ANK2: variants seen among roughly 807,000 people sequenced by gnomAD.
ANK2 encodes ankyrin-2.
A neutral mutation model predicts 360.5 loss-of-function variants in ANK2; 83 were observed. The observed-to-expected ratio is 0.23, with a 90% CI of 0.19 to 0.28. The LOEUF is 0.28. Among genes scored for constraint, ANK2 ranks in the 10% least tolerant of loss-of-function variants. The pLI, the probability that ANK2 is intolerant of heterozygous loss-of-function variation, is 1.00. For synonymous variants in ANK2, 1,740 were observed against 1,759.5 expected (o/e 0.99, Z 0.28); for missense variants, 4,201 against 4,795.7 (o/e 0.88, Z 3.66).
intron 4 of ANK2, among the ~76,000 whole-genome samples, chr4:113,231,379 G>A (rs1333086901): frequency 6.6e-6 from 1 of 152,076 alleles, no homozygotes; most frequent in East Asian, 1.9e-4. Context: ...AATCAAATTT[G>A]TAGTCTCTCC....
the ANK2 span, among the ~76,000 whole-genome samples, chr4:112,778,013 A>C: frequency 6.6e-6 from 1 of 151,018 alleles, no homozygotes; most frequent in Non-Finnish European, 1.5e-5. Context: ...CTTGTCATGC[A>C]GGCTGGAGTG....
chr4:112,957,292 G>A (rs567490674), intron 2 of ANK2, among the ~76,000 whole-genome samples: 1 of 152,226 alleles, frequency 6.6e-6, no homozygotes, highest in East Asian at 1.9e-4. Context: ...TTAACCCTGA[G>A]TGGACACAGC....
intron 26 of ANK2, among the ~76,000 whole-genome samples, chr4:113,327,498 T>C (rs1358427389): frequency 6.6e-6 from 1 of 152,226 alleles, no homozygotes; most frequent in Non-Finnish European, 1.5e-5. Context: ...CATAAATATA[T>C]ACAGCTCCTC....
intron 2 of ANK2, among the ~76,000 whole-genome samples, chr4:113,026,421 A>G (rs936416113): frequency 6.6e-6 from 1 of 152,168 alleles, no homozygotes; most frequent in Non-Finnish European, 1.5e-5. Context: ...GAGAACTATG[A>G]TTTTAAATTC....
chr4:113,354,758 A>AGC lies in ANK2; in HGVS notation c.6140_6141insGC (p.Asn2047LysfsTer13), dbSNP rs778220264. 1 of 1,613,872 alleles carries AGC rather than the reference A, an allele frequency of 6.2e-7. No homozygotes were observed. Among genetic ancestry groups the AGC allele is most frequent in the Non-Finnish European group, 8.5e-7 (1 of 1,179,940 alleles). ...CAGAGAGAAGCTCAGAAAACAGAGAATCAGACAATCAAACGAGGCCAGAGA... is the reference window on the plus strand; with the variant it reads ...CAGAGAGAAGCTCAGAAAACAGAGAAGCTCAGACAATCAAACGAGGCCAGAGA... On this transcript the variant is annotated frameshift_variant, in exon 38 of 46. Transcript: ENST00000357077. LOFTEE classifies it high-confidence loss of function.
At chr4:113,005,675 A>G (rs2052585225) in intron 2 of ANK2, among the ~76,000 whole-genome samples, 2 of 152,176 alleles carry the variant, frequency 1.3e-5, no homozygotes, top group Admixed American at 1.3e-4. Context: ...GTTTGATAGT[A>G]GACTAGGGTA....
intron 2 of ANK2, among the ~76,000 whole-genome samples, chr4:113,191,961 C>T (rs2098672316): frequency 6.6e-6 from 1 of 152,148 alleles, no homozygotes; most frequent in African/African-American, 2.4e-5. Flanking sequence ...AAGAATTCTG[C>T]TTCATCCCAT....
chr4:113,084,679 C>T lies in ANK2; in HGVS notation c.84+34867C>T, dbSNP rs1420298405. Among the ~76,000 whole-genome samples the T allele has an allele frequency of 2.6e-5, 4 of 152,220 alleles. No individual in the cohort carries two copies. In the East Asian group the frequency reaches 7.7e-4, roughly 29 times the overall value. Reference sequence around the variant, plus strand: ...CTTTTTAAGTAAAGGTCTAAAATTCCCTCTTTCTGTAGTTGCTCAAATAAA... The same window carrying T: ...CTTTTTAAGTAAAGGTCTAAAATTCTCTCTTTCTGTAGTTGCTCAAATAAA... On this transcript the variant is annotated intron_variant, in intron 1 of 45. Transcript: ENST00000357077.
the ANK2 span, chr4:112,706,924 C>G: frequency 6.6e-6 from 1 of 152,150 alleles, no homozygotes. Flanking sequence ...CAAGGGAGTA[C>G]TCCATCTGGT....
chr4:112,948,816 C>T lies in ANK2; in HGVS notation c.21+44302C>T, dbSNP rs541627072. On this transcript the variant is annotated intron_variant, in intron 2 of 30. Transcript: ENST00000503271. ...ATGATTGCCTCTGCCCCATATTCTC[C>T]TTGTTTTTAGATGTTTAGACTTTCT... 1.4e-3 allele frequency among the ~76,000 whole-genome samples: 206 copies of T among 152,290 alleles called. 4 individuals carry two copies. Among genetic ancestry groups the T allele is most frequent in the South Asian group, 8.3e-4 (4 of 4,826 alleles).
chr4:113,076,091 C>A (rs1467400188), intron 1 of ANK2, among the ~76,000 whole-genome samples: 1 of 152,158 alleles, frequency 6.6e-6, no homozygotes, highest in Non-Finnish European at 1.5e-5. Context: ...ACAAAAAACA[C>A]ATTGCTTTAA....
At position 112,963,673 on chromosome 4, in the gene ANK2, G is replaced by C. The variant is rs565159203; in HGVS notation, c.21+59159G>C. On this transcript the variant is annotated intron_variant, in intron 2 of 30. Coordinates refer to the ANK2 transcript ENST00000503271. ...ATAAAATGGGAATAATAAAGCATTTGCTAAATTCTTACATAGTTCCTTCAG... is the reference window on the plus strand; with the variant it reads ...ATAAAATGGGAATAATAAAGCATTTCCTAAATTCTTACATAGTTCCTTCAG... Among the ~76,000 whole-genome samples the C allele has an allele frequency of 2.6e-5, 4 of 152,082 alleles. No homozygotes were observed. The South Asian group carries it at 8.3e-4, about 32-fold the overall frequency.
chr4:113,355,682 C>A lies in ANK2; in HGVS notation c.7064C>A (p.Thr2355Asn), dbSNP rs376538574. 1.9e-5 allele frequency: 30 copies of A among 1,614,118 alleles called. No individual in the cohort carries two copies. The African/African-American group carries it at 2.5e-4, about 14-fold the overall frequency. Residue 2355 changes from threonine to asparagine, a missense_variant, in exon 38 of 46, where the codon ACC becomes AAC. Transcript: ENST00000357077. ...EEAACDEGQR[T>N]FGSSAHKTQT... ...GCAGCCTGTGATGAAGGTCAACGTACCTTTGGTAGTTCAGCCCACAAGACA... is the reference window on the plus strand; with the variant it reads ...GCAGCCTGTGATGAAGGTCAACGTAACTTTGGTAGTTCAGCCCACAAGACA...
intron 20 of ANK2, among the ~76,000 whole-genome samples, chr4:113,289,333 G>T (rs1188458807): frequency 1.3e-5 from 2 of 151,346 alleles, no homozygotes; most frequent in Non-Finnish European, 2.9e-5. Context: ...CTTGCCTCAG[G>T]ACTGGCTAGG....
intron 1 of ANK2, among the ~76,000 whole-genome samples, chr4:113,080,316 A>C (rs930375929): frequency 2.0e-5 from 3 of 152,170 alleles, no homozygotes; most frequent in African/African-American, 7.2e-5. Context: ...CTGGGCTCTG[A>C]GATGATCTCT....
At chr4:113,327,440 A>T (rs979377387) in intron 26 of ANK2, among the ~76,000 whole-genome samples, 3 of 152,194 alleles carry the variant, frequency 2.0e-5, no homozygotes, top group African/African-American at 7.2e-5. Context: ...GACTGCTCTG[A>T]TTGTCCAGAG....
At chr4:113,025,619 C>T (rs947840773) in intron 2 of ANK2, among the ~76,000 whole-genome samples, 4 of 152,200 alleles carry the variant, frequency 2.6e-5, no homozygotes, top group African/African-American at 9.6e-5. Context: ...ATGAATGCAA[C>T]TCTCTCCATA....
chr4:113,365,221 G>C, intron 41 of ANK2, 39 bp downstream of exon 41: 1 of 1,597,626 alleles, frequency 6.3e-7, no homozygotes, highest in South Asian at 1.1e-5. Context: ...GTGTGTGTGT[G>C]TGTGTGTGTG....
At chr4:112,833,545 C>A (rs1313922802) in intron 1 of ANK2, among the ~76,000 whole-genome samples, 12 of 151,700 alleles carry the variant, frequency 7.9e-5, no homozygotes, top group African/African-American at 2.9e-4. Flanking sequence ...GCTCTGTCCC[C>A]CAGGCTGGAG....
Sources: gnomAD v4.1 joint callset for allele counts (sites outside exome capture counted in the v4.1 genomes callset) on GRCh38, gnomAD v4.1.1 for gene constraint, MANE v1.5 for transcripts, NCBI Gene and HGNC (gene_info 2026-07-23, HGNC 2026-07-21) for gene names.